The following GALNT2 variants were observed in gnomAD, a reference collection of about 807,000 sequenced individuals.
The protein encoded by GALNT2 is polypeptide N-acetylgalactosaminyltransferase 2, also known as UDP-GalNAc:polypeptide N-acetylgalactosaminyltransferase 2.
GALNT2 carries 31 observed loss-of-function variants against 81.4 expected under a neutral mutation model. The observed-to-expected ratio is 0.38, with a 90% CI of 0.29 to 0.51. The LOEUF is 0.51. Among genes scored for constraint, GALNT2 ranks in the 20% least tolerant of loss-of-function variants. The probability of loss-of-function intolerance (pLI) is 0.87; values close to 1 mark genes in which losing one functional copy is unlikely to be tolerated. For synonymous variants in GALNT2, 303 were observed against 287.4 expected, an observed-to-expected ratio of 1.05 and a Z score of -0.55; for missense variants, 629 against 765.7, an observed-to-expected ratio of 0.82 and a Z score of 2.11.
chr1:230,279,761 G>A lies in GALNT2; in HGVS notation c.*303G>A, dbSNP rs1404553444. The A allele has an allele frequency of 1.8e-5, 9 of 512,378 alleles. No homozygotes were observed. Among genetic ancestry groups the A allele is most frequent in the Admixed American group, 6.9e-5 (3 of 43,304 alleles). 31.7% of individuals were successfully genotyped at this position (512,378 alleles called of 1,614,324 possible). On this transcript the variant is annotated 3_prime_UTR_variant, in exon 16 of 16. Coordinates refer to ENST00000366672, the MANE Select transcript of GALNT2 (RefSeq NM_004481.5). This position sits in a 1 kb window ranked among gnomAD's most constrained non-coding sequence, Gnocchi z 4.6. ...GCTCCGCAACTGAGTGACACCCAGC[G>A]ACAACCGACTGGGGAGTGGTAGAAG...
chr1:230,119,974 C>G (rs1157727774), intron 1 of GALNT2, among the ~76,000 whole-genome samples: 3 of 152,124 alleles, frequency 2.0e-5, no homozygotes, highest in African/African-American at 7.2e-5. Context: ...GTTCCTGCCC[C>G]AGACCTGGAG....
At chr1:230,210,521 G>A (rs796916011) in intron 3 of GALNT2, among the ~76,000 whole-genome samples, 8 of 152,208 alleles carry the variant, frequency 5.3e-5, no homozygotes, top group Non-Finnish European at 1.2e-4. Flanking sequence ...ACCACTGCCT[G>A]AACCATTTCC....
chr1:230,239,215 C>A (rs1397974134), intron 6 of GALNT2, among the ~76,000 whole-genome samples: 1 of 151,990 alleles, frequency 6.6e-6, no homozygotes, highest in African/African-American at 2.4e-5. Flanking sequence ...TGCTGTTCAT[C>A]GACGCTGTTC....
At chr1:230,099,522 C>T (rs1558082847) in intron 1 of GALNT2, among the ~76,000 whole-genome samples, 4 of 152,162 alleles carry the variant, frequency 2.6e-5, no homozygotes. Context: ...CAAAGCTCTC[C>T]ACCTGTCCCA....
At chr1:230,108,885 T>C (rs1660617184) in intron 1 of GALNT2, among the ~76,000 whole-genome samples, 1 of 152,176 alleles carries the variant, frequency 6.6e-6, no homozygotes, top group African/African-American at 2.4e-5. Context: ...GAATTCCAGA[T>C]TTGAAGTACA....
At chr1:230,119,770 T>G (rs1206557330) in intron 1 of GALNT2, among the ~76,000 whole-genome samples, 2 of 152,210 alleles carry the variant, frequency 1.3e-5, no homozygotes, top group African/African-American at 4.8e-5. Flanking sequence ...CTTGTTTGGT[T>G]TTATGGCATT....
chr1:230,262,602 T>C lies in GALNT2; in HGVS notation c.1166T>C (p.Met389Thr), dbSNP rs1558167505. The change falls in exon 12 of 16, where the codon ATG (methionine) becomes ACG (threonine). Residue 389 changes from methionine (M) to threonine (T), a missense_variant. By Grantham distance (81) the Met-to-Thr change is moderately conservative. This residue lies in a region of GALNT2 where 360 missense variants were observed against 492.8 expected (regional missense o/e 0.73). Transcript: ENST00000366672. ...RNTRRAAEVWMDEYKNFYYAA... is the reference protein window; with the variant it reads ...RNTRRAAEVWTDEYKNFYYAA... ...ACCCGCCGGGCAGCAGAGGTCTGGA[T>C]GGATGAATACAAAAATTTCTATTAT... 1 of 1,614,118 alleles carries C rather than the reference T, an allele frequency of 6.2e-7. No individual in the cohort carries two copies. The highest frequency in any genetic ancestry group is 8.5e-7 in the Non-Finnish European group (1 of 1,179,994).
At chr1:230,183,939 C>T (rs1274783393) in intron 2 of GALNT2, among the ~76,000 whole-genome samples, 1 of 151,656 alleles carries the variant, frequency 6.6e-6, no homozygotes, top group African/African-American at 2.4e-5. Flanking sequence ...GATCGTACCA[C>T]TATTCTGAGC....
At chr1:230,227,717 G>A (rs1296458040) in intron 3 of GALNT2, among the ~76,000 whole-genome samples, 2 of 152,120 alleles carry the variant, frequency 1.3e-5, no homozygotes, top group South Asian at 2.1e-4. Flanking sequence ...TTCAGCACTT[G>A]TGAGGGAGTT....
intron 6 of GALNT2, among the ~76,000 whole-genome samples, chr1:230,242,820 A>C (rs936806131): frequency 1.9e-4 from 29 of 152,236 alleles, no homozygotes; most frequent in African/African-American, 6.8e-4. Flanking sequence ...GGCAGACAGC[A>C]GGGCTTTGCA....
intron 10 of GALNT2, among the ~76,000 whole-genome samples, chr1:230,250,781 G>A (rs1306958922): frequency 1.3e-5 from 2 of 152,096 alleles, no homozygotes; most frequent in South Asian, 2.1e-4. Flanking sequence ...GCCAGAATAC[G>A]GATAAAGTCT....
intron 3 of GALNT2, among the ~76,000 whole-genome samples, chr1:230,230,232 T>G (rs1664828659): frequency 6.6e-6 from 1 of 152,124 alleles, no homozygotes; most frequent in Non-Finnish European, 1.5e-5. Flanking sequence ...TTTTTTTTTC[T>G]TAGTTTTTTG....
chr1:230,108,034 T>G (rs545495978), intron 1 of GALNT2, among the ~76,000 whole-genome samples: 4 of 152,298 alleles, frequency 2.6e-5, no homozygotes, highest in African/African-American at 9.6e-5. Context: ...TTGCCCAGGC[T>G]TGGGCAGACT....
intron 1 of GALNT2, among the ~76,000 whole-genome samples, chr1:230,091,435 G>T (rs983530495): frequency 2.6e-5 from 4 of 151,868 alleles, no homozygotes; most frequent in Admixed American, 6.6e-5. Context: ...CTTTTCTATT[G>T]GCCTATTTCC....
intron 1 of GALNT2, among the ~76,000 whole-genome samples, chr1:230,144,123 C>T (rs527817140): frequency 5.3e-5 from 8 of 152,252 alleles, no homozygotes; most frequent in East Asian, 1.9e-4. Flanking sequence ...ACACCTGGAT[C>T]GGGAGGCAGA....
intron 10 of GALNT2, 27 bp downstream of exon 10, chr1:230,250,587 C>T (rs367861062): frequency 7.1e-6 from 11 of 1,550,840 alleles, no homozygotes; most frequent in Non-Finnish European, 7.9e-6. Context: ...AATCTCAGGA[C>T]AGAGAAGTGC....
chr1:230,122,333 A>G (rs562173486), intron 1 of GALNT2, among the ~76,000 whole-genome samples: 7 of 152,308 alleles, frequency 4.6e-5, no homozygotes, highest in Non-Finnish European at 8.8e-5. Flanking sequence ...TTCATTCTCC[A>G]TGAGATTGAG....
chr1:230,114,956 C>T (rs1660802597), intron 1 of GALNT2, among the ~76,000 whole-genome samples: 1 of 151,538 alleles, frequency 6.6e-6, no homozygotes, highest in Non-Finnish European at 1.5e-5. Flanking sequence ...CAAACCTACA[C>T]TGACACATCC....
chr1:230,148,969 C>T (rs954273757), intron 1 of GALNT2, among the ~76,000 whole-genome samples: 2 of 152,112 alleles, frequency 1.3e-5, no homozygotes, highest in African/African-American at 4.8e-5. Flanking sequence ...CAGCCTTGAC[C>T]TCCTGGGCTC....
Sources: allele counts gnomAD v4.1 joint callset (sites outside exome capture counted in the v4.1 genomes callset), GRCh38; gene constraint gnomAD v4.1.1; regional missense constraint gnomAD v4.1.1; non-coding constraint Gnocchi (gnomAD v3.1); transcripts MANE v1.5; gene names NCBI Gene and HGNC (gene_info 2026-07-23, HGNC 2026-07-21).